ANXA13: variants seen among roughly 807,000 people sequenced by gnomAD.
ANXA13 encodes the protein annexin A13.
Under a neutral mutation model 46.6 loss-of-function variants are expected in ANXA13, and 36 were observed. The observed-to-expected ratio is 0.77, with a 90% confidence interval of 0.59 to 1.02. The LOEUF (loss-of-function observed/expected upper bound fraction) is 1.02, where lower values mean the gene tolerates loss of function less well. ANXA13 is among the 50% of genes least tolerant of loss of function. The pLI is 0.00. For synonymous variants in ANXA13, 163 were observed against 152.9 expected, an observed-to-expected ratio of 1.07 and a Z score of -0.49; for missense variants, 417 against 396.5, an observed-to-expected ratio of 1.05 and a Z score of -0.44.
chr8:123,711,361 T>C (rs1007737173), intron 2 of ANXA13, among the ~76,000 whole-genome samples: 1 of 152,214 alleles, frequency 6.6e-6, no homozygotes, highest in African/African-American at 2.4e-5. Flanking sequence ...GCTTTGGATG[T>C]CACCCTCTTC....
chr8:123,698,254 C>T (rs1813379314), intron 4 of ANXA13, 135 bp downstream of exon 4: 1 of 927,008 alleles, frequency 1.1e-6, no homozygotes, highest in African/African-American at 1.7e-5. Flanking sequence ...CCCACATGGA[C>T]CAAGCACACA....
At chr8:123,718,574 C>G (rs980399538) in intron 1 of ANXA13, among the ~76,000 whole-genome samples, 3 of 152,228 alleles carry the variant, frequency 2.0e-5, no homozygotes, top group Non-Finnish European at 4.4e-5. Context: ...GCTGTCAGCT[C>G]TATGAAAGGC....
At chr8:123,699,153 G>A (rs1813398779) in intron 3 of ANXA13, among the ~76,000 whole-genome samples, 1 of 152,176 alleles carries the variant, frequency 6.6e-6, no homozygotes, top group Non-Finnish European at 1.5e-5. Context: ...GTATGTAGAA[G>A]GGGAAGTACA....
intron 2 of ANXA13, among the ~76,000 whole-genome samples, chr8:123,706,790 G>A (rs1813548603): frequency 1.3e-5 from 2 of 152,174 alleles, no homozygotes; most frequent in Admixed American, 6.5e-5. Flanking sequence ...GGGCCTTTTG[G>A]CCTCTCAAAG....
intron 1 of ANXA13, among the ~76,000 whole-genome samples, 169 bp downstream of exon 1, chr8:123,737,151 G>A (rs183785103): frequency 2.4e-4 from 36 of 151,890 alleles, no homozygotes; most frequent in Admixed American, 6.6e-4. Context: ...GTGAGCCACC[G>A]CACCCGGCCT....
chr8:123,717,759 T>C (rs1225449566), intron 1 of ANXA13, among the ~76,000 whole-genome samples: 1 of 152,214 alleles, frequency 6.6e-6, no homozygotes, highest in African/African-American at 2.4e-5. Flanking sequence ...TGCACTCTAG[T>C]AGGGAGTAGG....
chr8:123,700,917 G>A (rs1445100592), intron 3 of ANXA13, among the ~76,000 whole-genome samples: 1 of 151,936 alleles, frequency 6.6e-6, no homozygotes, highest in Non-Finnish European at 1.5e-5. Context: ...CAACTTCTTG[G>A]GCTTAAGCAA....
chr8:123,687,604 A>T (rs1265426285), intron 9 of ANXA13, among the ~76,000 whole-genome samples: 1 of 151,648 alleles, frequency 6.6e-6, no homozygotes, highest in Non-Finnish European at 1.5e-5. Flanking sequence ...AGGATGGATT[A>T]AAAAAAAATC....
chr8:123,723,589 A>T (rs1206089298), intron 1 of ANXA13, among the ~76,000 whole-genome samples: 1 of 152,162 alleles, frequency 6.6e-6, no homozygotes, highest in East Asian at 1.9e-4. Context: ...TCATGCTGGT[A>T]ACCTGAAATC....
intron 1 of ANXA13, among the ~76,000 whole-genome samples, chr8:123,718,069 G>T (rs892445665): frequency 4.6e-5 from 7 of 152,132 alleles, no homozygotes; most frequent in Non-Finnish European, 8.8e-5. Flanking sequence ...CCACCCCACC[G>T]ACTTTTTTCG....
intron 1 of ANXA13, among the ~76,000 whole-genome samples, chr8:123,730,830 A>G (rs944021380): frequency 2.6e-5 from 4 of 152,200 alleles, no homozygotes; most frequent in Non-Finnish European, 4.4e-5. Flanking sequence ...CACATCTTAC[A>G]TGGCAGCAGG....
At chr8:123,730,548 C>A (rs1814097509) in intron 1 of ANXA13, among the ~76,000 whole-genome samples, 2 of 152,170 alleles carry the variant, frequency 1.3e-5, no homozygotes, top group South Asian at 4.1e-4. Flanking sequence ...CCTCACCCAA[C>A]TCATGTCTAC....
intron 2 of ANXA13, among the ~76,000 whole-genome samples, chr8:123,708,222 C>T (rs1813581746): frequency 6.6e-6 from 1 of 152,206 alleles, no homozygotes; most frequent in African/African-American, 2.4e-5. Flanking sequence ...ACACACTGGA[C>T]ACTGTAATTT....
At chr8:123,692,375 G>T (rs1813258734) in intron 8 of ANXA13, among the ~76,000 whole-genome samples, 1 of 152,072 alleles carries the variant, frequency 6.6e-6, no homozygotes, top group Non-Finnish European at 1.5e-5. Context: ...ACATAGAAGT[G>T]CTTTGAGCAG....
chr8:123,718,294 T>C (rs987126197), intron 1 of ANXA13, among the ~76,000 whole-genome samples: 3 of 152,226 alleles, frequency 2.0e-5, no homozygotes, highest in African/African-American at 7.2e-5. Flanking sequence ...TTGAGGAGTT[T>C]TCACCTTGTA....
chr8:123,697,655 T>C (rs1813367156), intron 4 of ANXA13, among the ~76,000 whole-genome samples: 1 of 152,228 alleles, frequency 6.6e-6, no homozygotes, highest in Admixed American at 6.5e-5. Flanking sequence ...TCAAGAATGT[T>C]GGGCTCTTCT....
At chr8:123,725,387 T>G (rs1228009891) in intron 1 of ANXA13, among the ~76,000 whole-genome samples, 1 of 152,220 alleles carries the variant, frequency 6.6e-6, no homozygotes, top group African/African-American at 2.4e-5. Flanking sequence ...AGGGTCACCT[T>G]ATGGAAACAT....
In ANXA13 at chr8:123,693,278, G is replaced by A; in HGVS notation, c.561C>T (p.Gly187=). Residue 187 remains glycine, a synonymous_variant, in exon 8 of 11, where the codon GGC becomes GGT. Coordinates refer to ENST00000419625, the MANE Select transcript of ANXA13 (RefSeq NM_004306.4). Reference sequence around the variant, plus strand: ...CTTCATTGAACGCAAGCTCATCAGTGCCCCAGCGGCCTTCCCCTGCCTCAA... The same window carrying A: ...CTTCATTGAACGCAAGCTCATCAGTACCCCAGCGGCCTTCCCCTGCCTCAA... ...DLYDAGEGRW[G]TDELAFNEVL... The A allele has an allele frequency of 6.2e-7, 1 of 1,614,082 alleles. No homozygotes were observed. The highest frequency in any genetic ancestry group is 2.2e-5 in the East Asian group (1 of 44,884).
Position 123,684,712 on chromosome 8 carries a change from G to A in ANXA13, c.729C>T (p.Ala243=), listed in dbSNP as rs1341300437. The part of the protein sequence containing the change: ...QKAYLTLVRC[A]QDCEDYFAER... ...CAGCAAAATAGTCCTCACAATCCTG[G>A]GCACATCTCACTGGGCAGGACAAAG... Residue 243 remains alanine (A), a synonymous_variant, in exon 10 of 11, where the codon GCC becomes GCT. Coordinates refer to ENST00000419625, the MANE Select transcript of ANXA13 (RefSeq NM_004306.4). The A allele has an allele frequency of 6.2e-7, 1 of 1,612,066 alleles. No homozygotes were observed. The highest frequency in any genetic ancestry group is 1.7e-4 in the Middle Eastern group (1 of 6,058).
Sources: gnomAD v4.1 joint callset for allele counts (sites outside exome capture counted in the v4.1 genomes callset) on GRCh38, gnomAD v4.1.1 for gene constraint, MANE v1.5 for transcripts, NCBI Gene and HGNC (gene_info 2026-07-23, HGNC 2026-07-21) for gene names.